Variants in COL5A1 observed in about 807,000 individuals in gnomAD.
COL5A1 encodes the protein collagen alpha-1(V) chain.
Under a neutral mutation model 263.7 loss-of-function variants are expected in COL5A1, and 16 were observed. The ratio of observed to expected loss-of-function variants is 0.06; its 90% CI spans 0.04 to 0.09. COL5A1 has a LOEUF of 0.09. Ranked by LOEUF, COL5A1 falls within the 10% of genes least tolerant of loss-of-function variation. The probability of loss-of-function intolerance (pLI) is 1.00; values close to 1 mark genes in which losing one functional copy is unlikely to be tolerated. For synonymous variants in COL5A1, 1,012 were observed against 1,004.5 expected, an observed-to-expected ratio of 1.01 and a Z score of -0.14; for missense variants, 2,036 against 2,540.5, an observed-to-expected ratio of 0.80 and a Z score of 4.27.
rs1838292124 is a variant in COL5A1 at position 134,806,240 on chromosome 9, C to T, written c.3310C>T (p.Pro1104Ser). Reference protein sequence around the residue: ...PAGAAGPIGIPGRPGPQGPPG... With the variant: ...PAGAAGPIGISGRPGPQGPPG... ...TGGAGCCGCTGGGCCCATCGGAATT[C>T]CAGGGAGACCTGGGCCCCAGGGACC... Residue 1104 changes from proline (P) to serine (S), a missense_variant, in exon 42 of 66, where the codon CCA (proline) becomes TCA (serine). Pro to Ser is a moderately conservative substitution (Grantham distance 74, BLOSUM62 -1). Around this residue, in one of 3 missense-constraint regions of COL5A1, gnomAD observed 1,078 missense variants for 1,521.4 expected, o/e 0.71. Coordinates refer to ENST00000371817, the MANE Select transcript of COL5A1 (RefSeq NM_000093.5). 1 of 1,550,382 alleles carries T rather than the reference C, an allele frequency of 6.5e-7. No homozygotes were observed. Among genetic ancestry groups the T allele is most frequent in the Middle Eastern group, 1.8e-4 (1 of 5,554 alleles).
intron 28 of COL5A1, 183 bp from the exon 29 acceptor site, chr9:134,782,484 C>T (rs535085173): frequency 2.3e-5 from 16 of 701,598 alleles, no homozygotes; most frequent in South Asian, 8.0e-5. Flanking sequence ...CAGCTGGGAA[C>T]GCAGAGCTCA....
At chr9:134,725,104 G>A (rs571812067) in intron 4 of COL5A1, among the ~76,000 whole-genome samples, 1 of 152,274 alleles carries the variant, frequency 6.6e-6, no homozygotes, top group Non-Finnish European at 1.5e-5. Context: ...CTCTGGTGGC[G>A]GGACCGGAGA....
At position 134,652,784 on chromosome 9, in the gene COL5A1, T is replaced by A. The variant is rs1831739153; in HGVS notation, c.109+10488T>A. The stretch of plus-strand genomic sequence containing the variant: ...AGGCCGGGTCCAGCGTTTCTCCTCA[T>A]GGTGTAGACCAGCAGTTCCCAAACT... On this transcript the variant is annotated intron_variant, in intron 1 of 65. Transcript: ENST00000371817. The surrounding 1 kb of genome is among the most constrained non-coding windows in gnomAD (Gnocchi z 4.4). 6.4e-6 allele frequency: 3 copies of A among 469,880 alleles called. No individual in the cohort carries two copies. Among genetic ancestry groups the A allele is most frequent in the Middle Eastern group, 3.2e-4 (1 of 3,090 alleles). 29.1% of individuals were successfully genotyped at this position (469,880 alleles called of 1,614,324 possible).
At chr9:134,819,522 T>C (rs1838906169) in intron 57 of COL5A1, among the ~76,000 whole-genome samples, 1 of 152,224 alleles carries the variant, frequency 6.6e-6, no homozygotes, top group Non-Finnish European at 1.5e-5. Context: ...GATGGTTGTA[T>C]ATGAAGCAGA....
At chr9:134,780,249 T>TGGATGTCGCCTCTGAGTACTGAGGG (rs1564453984) in intron 28 of COL5A1, 103 bp downstream of exon 28, 2 of 1,127,986 alleles carry the variant, frequency 1.8e-6, no homozygotes, top group East Asian at 4.7e-5. Context: ...CCAGCTGAGG[T>TGGATGTCGCCTCTGAGTACTGAGGG]GGATGTCGCC....
At position 134,794,786 on chromosome 9, in the gene COL5A1, G is replaced by T. The variant is rs552774072; in HGVS notation, c.2701-296G>T. ...GAGGAAGGAGGAGGAGGGATGTAGC[G>T]GTGCTCTGAGGAAAGAAACCAGATA... On this transcript the variant is annotated intron_variant, in intron 32 of 65. Coordinates refer to ENST00000371817, the MANE Select transcript of COL5A1 (RefSeq NM_000093.5). The surrounding 1 kb of genome is among the most constrained non-coding windows in gnomAD (Gnocchi z 4.3). Among the ~76,000 whole-genome samples, 1 of 152,098 alleles carries T rather than the reference G, an allele frequency of 6.6e-6. No individual in the cohort carries two copies. The highest frequency in any genetic ancestry group is 2.4e-5 in the African/African-American group (1 of 41,406).
At chr9:134,802,096 C>A in intron 38 of COL5A1, 89 bp downstream of exon 38, 1 of 1,336,076 alleles carries the variant, frequency 7.5e-7, no homozygotes, top group Non-Finnish European at 1.1e-6. Flanking sequence ...CTGTTCCCTC[C>A]ACGATTCCGG....
At position 134,822,266 on chromosome 9, in the gene COL5A1, T is replaced by C; in HGVS notation, c.4608+116T>C. Reference sequence around the variant, plus strand: ...GGAAAAGTCACACGAGAAGCTGGAATTGGGGCCTCCAGGGTGGATTTGCCC... The same window carrying C: ...GGAAAAGTCACACGAGAAGCTGGAACTGGGGCCTCCAGGGTGGATTTGCCC... On this transcript the variant is annotated intron_variant, in intron 59 of 65. Transcript: ENST00000371817. 8 of 890,988 alleles carry C rather than the reference T, an allele frequency of 9.0e-6. No individual in the cohort carries two copies. In the Admixed American group the frequency reaches 9.7e-5, roughly 11 times the overall value. The allele number at this position is 890,988 out of a possible 1,614,324, so 55.2% of individuals were successfully genotyped here.
At chr9:134,773,818 C>T (rs757848243) in intron 26 of COL5A1, among the ~76,000 whole-genome samples, 12 of 152,314 alleles carry the variant, frequency 7.9e-5, no homozygotes, top group Admixed American at 1.3e-4. Flanking sequence ...AGACCCAGAG[C>T]GGTCTGAGAT....
At position 134,818,572 on chromosome 9, in the gene COL5A1, C is replaced by T; in HGVS notation, c.4231-84C>T. On this transcript the variant is annotated intron_variant, in intron 54 of 65. Transcript: ENST00000371817. This position sits in a 1 kb window ranked among gnomAD's most constrained non-coding sequence, Gnocchi z 6.0. ...TCACCTGGGACTCCTCCAGAGGTGC[C>T]CAGGGTTTCCGAGCAGTGGTCCTGG... 9.8e-7 allele frequency: 1 copy of T among 1,021,370 alleles called. No individual in the cohort carries two copies. Among genetic ancestry groups the T allele is most frequent in the Non-Finnish European group, 1.5e-6 (1 of 665,292 alleles). 63.3% of individuals were successfully genotyped at this position (1,021,370 alleles called of 1,614,324 possible).
intron 13 of COL5A1, among the ~76,000 whole-genome samples, chr9:134,751,904 G>T (rs1588503837): frequency 1.3e-5 from 2 of 152,350 alleles, no homozygotes; most frequent in Admixed American, 1.3e-4. Context: ...GCTTGGGCCT[G>T]CCTGGCTGGC....
chr9:134,690,815 T>C, intron 1 of COL5A1, 97 bp from the exon 2 acceptor site: 1 of 1,418,856 alleles, frequency 7.0e-7, no homozygotes, highest in Non-Finnish European at 9.9e-7. Context: ...TTCACAGTGG[T>C]GGGGGTGGGG....
At chr9:134,711,142 G>C (rs1182971940) in intron 4 of COL5A1, among the ~76,000 whole-genome samples, 1 of 152,126 alleles carries the variant, frequency 6.6e-6, no homozygotes. Context: ...GGCATGAATT[G>C]TTCGGTCGGT....
chr9:134,772,117 C>T (rs963930227), intron 25 of COL5A1, among the ~76,000 whole-genome samples: 26 of 152,176 alleles, frequency 1.7e-4, no homozygotes, highest in Non-Finnish European at 3.4e-4. Context: ...CCTCCATCCC[C>T]GAGGCCAGGT....
rs572195739 is a variant in COL5A1 at position 134,749,096 on chromosome 9, C to T, written c.1495-1446C>T. ...TACTAAATATACAAAAGTTAGCCCA[C>T]GCTGGTGTGGACACCTGTAATCCCA... On this transcript the variant is annotated intron_variant, in intron 11 of 65. Coordinates refer to ENST00000371817, the MANE Select transcript of COL5A1 (RefSeq NM_000093.5). 5.3e-5 allele frequency among the ~76,000 whole-genome samples: 8 copies of T among 152,280 alleles called. No individual in the cohort carries two copies. The South Asian group carries it at 1.0e-3, about 20-fold the overall frequency.
intron 59 of COL5A1, 74 bp downstream of exon 59, chr9:134,822,224 T>A: frequency 7.8e-7 from 1 of 1,277,272 alleles, no homozygotes; most frequent in Non-Finnish European, 1.1e-6. Flanking sequence ...GGCCTCAGTG[T>A]GGAGCTAGAG....
chr9:134,806,734 AC>A (rs1196089741), intron 42 of COL5A1, among the ~76,000 whole-genome samples: 2 of 152,040 alleles, frequency 1.3e-5, no homozygotes, highest in East Asian at 3.9e-4. Context: ...GCTGGCCCAG[AC>A]CCATGGCTGG....
At chr9:134,769,136 G>A (rs992669175) in intron 25 of COL5A1, among the ~76,000 whole-genome samples, 1 of 152,238 alleles carries the variant, frequency 6.6e-6, no homozygotes, top group Non-Finnish European at 1.5e-5. Flanking sequence ...TTTCACAAAC[G>A]AGATTAGCAG....
intron 4 of COL5A1, among the ~76,000 whole-genome samples, chr9:134,725,134 G>A (rs1467171573): frequency 7.2e-5 from 11 of 152,250 alleles, no homozygotes; most frequent in Non-Finnish European, 1.5e-5. Flanking sequence ...CTCCAGGACC[G>A]GAGCACCTGG....
Sources: gnomAD v4.1 joint callset for allele counts (sites outside exome capture counted in the v4.1 genomes callset) on GRCh38, gnomAD v4.1.1 for gene constraint, gnomAD v4.1.1 regional missense constraint, Gnocchi (gnomAD v3.1) non-coding constraint, MANE v1.5 for transcripts, NCBI Gene and HGNC (gene_info 2026-07-23, HGNC 2026-07-21) for gene names.